The following ZSWIM4 variants were observed in gnomAD, a reference collection of about 807,000 sequenced individuals.
ZSWIM4 encodes the protein zinc finger SWIM domain-containing protein 4.
A neutral mutation model predicts 102.5 loss-of-function variants in ZSWIM4; 62 were observed. The observed-to-expected ratio is 0.60, with a 90% CI of 0.49 to 0.75. ZSWIM4 has a LOEUF of 0.75. ZSWIM4 is among the 30% of genes least tolerant of loss of function. The pLI is 0.00. For missense variants in ZSWIM4, 1,280 were observed against 1,529.6 expected (o/e 0.84, Z 2.72); for synonymous variants, 652 against 674.5 (o/e 0.97, Z 0.52).
intron 2 of ZSWIM4, among the ~76,000 whole-genome samples, chr19:13,802,278 A>AT (rs201793669): frequency 4.7e-4 from 68 of 145,028 alleles, no homozygotes; most frequent in East Asian, 6.6e-4. Flanking sequence ...GCCTGGCCAA[A>AT]TTTTTTTTTT....
Position 13,825,925 on chromosome 19 carries a change from AGT to A in ZSWIM4, c.2379+216_2379+217del, listed in dbSNP as rs532014224. Among the ~76,000 whole-genome samples, 31 of 151,852 alleles carry A rather than the reference AGT, an allele frequency of 2.0e-4. No individual in the cohort carries two copies. Among genetic ancestry groups the A allele is most frequent in the African/African-American group, 7.0e-4 (29 of 41,388 alleles). ...GACACACCTCTGGGGGCGTGGCCTG[AGT>A]GTGGGCCACTTCCTTGGGGGCGTGG... is the stretch of plus-strand genomic sequence containing the variant. On this transcript the variant is annotated intron_variant, in intron 12 of 13. Transcript: ENST00000590508. This position sits in a 1 kb window ranked among gnomAD's most constrained non-coding sequence, Gnocchi z 4.6.
At chr19:13,817,113 A>G (rs1975310799) in intron 7 of ZSWIM4, 103 bp from the exon 8 acceptor site, 1 of 1,459,180 alleles carries the variant, frequency 6.9e-7, no homozygotes, top group Non-Finnish European at 9.2e-7. Context: ...GGTGGTGGGC[A>G]TTATGGGGCT....
intron 5 of ZSWIM4, among the ~76,000 whole-genome samples, chr19:13,811,148 C>T (rs985413246): frequency 1.3e-5 from 2 of 151,914 alleles, no homozygotes; most frequent in East Asian, 1.9e-4. Context: ...CTCCTGACCT[C>T]GTGATCCGCC....
intron 13 of ZSWIM4, 82 bp downstream of exon 13, chr19:13,828,808 AAGAG>A: frequency 7.1e-7 from 1 of 1,411,812 alleles, no homozygotes; most frequent in South Asian, 1.2e-5. Flanking sequence ...GCAGACAAGA[AAGAG>A]AGAAGTGGCG....
chr19:13,823,646 T>C, intron 11 of ZSWIM4, 146 bp downstream of exon 11: 1 of 988,050 alleles, frequency 1.0e-6, no homozygotes. Context: ...CCGGACACTG[T>C]CTCAGGTGCT....
intron 9 of ZSWIM4, 41 bp from the exon 10 acceptor site, chr19:13,819,316 C>T (rs757743535): frequency 9.9e-6 from 16 of 1,609,474 alleles, no homozygotes; most frequent in East Asian, 2.2e-5. Flanking sequence ...AGGGCAGAGG[C>T]GAGCCCACAC....
intron 12 of ZSWIM4, among the ~76,000 whole-genome samples, chr19:13,827,122 C>T (rs1323165881): frequency 6.6e-6 from 1 of 151,804 alleles, no homozygotes; most frequent in African/African-American, 2.4e-5. Flanking sequence ...CCCATCTCTA[C>T]AAAAAACTTT....
At chr19:13,829,446 C>A (rs1466601735) in intron 13 of ZSWIM4, among the ~76,000 whole-genome samples, 1 of 152,062 alleles carries the variant, frequency 6.6e-6, no homozygotes, top group East Asian at 1.9e-4. Flanking sequence ...CAAAAATTAG[C>A]CAGATGTGGT....
At position 13,809,370 on chromosome 19, in the gene ZSWIM4, CT is replaced by C. The variant is rs1975013904; in HGVS notation, c.1012+151del. 8.9e-7 allele frequency: 1 copy of C among 1,125,154 alleles called. No individual in the cohort carries two copies. The highest frequency in any genetic ancestry group is 1.2e-6 in the Non-Finnish European group (1 of 817,696). The allele number at this position is 1,125,154 out of a possible 1,614,324, so 69.7% of individuals were successfully genotyped here. On this transcript the variant is annotated intron_variant, in intron 5 of 13. Transcript: ENST00000590508. This position sits in a 1 kb window ranked among gnomAD's most constrained non-coding sequence, Gnocchi z 4.2. ...CGCCTCTAAAGTGCCAGGCATGGTA[CT>C]GGGCACTGGTGGTCCGGCAGAGAAC...
At chr19:13,805,684 G>A (rs1040680833) in intron 3 of ZSWIM4, among the ~76,000 whole-genome samples, 54 of 151,872 alleles carry the variant, frequency 3.6e-4, no homozygotes, top group African/African-American at 1.0e-3. Flanking sequence ...GAAAGTGTTC[G>A]TGATTGGCTG....
chr19:13,802,868 C>T (rs1478819505), intron 2 of ZSWIM4, among the ~76,000 whole-genome samples: 2 of 152,182 alleles, frequency 1.3e-5, no homozygotes, highest in Admixed American at 6.6e-5. Context: ...CGTGACCCAC[C>T]ATGCCTGGCC....
intron 1 of ZSWIM4, among the ~76,000 whole-genome samples, chr19:13,797,409 G>T (rs749414253): frequency 6.6e-6 from 1 of 152,160 alleles, no homozygotes; most frequent in Non-Finnish European, 1.5e-5. Flanking sequence ...GTCTGTCTTA[G>T]GAGTTGAAAC....
rs1208411455 is a variant in ZSWIM4, at chr19:13,809,118, A to T, written c.910A>T (p.Ile304Phe). 14 of 1,613,712 alleles carry T rather than the reference A, an allele frequency of 8.7e-6. No homozygotes were observed. The highest frequency in any genetic ancestry group is 1.1e-5 in the Non-Finnish European group (13 of 1,179,828). ...MRDSNGARMLILMTEQFLQDT... is the reference protein window; with the variant it reads ...MRDSNGARMLFLMTEQFLQDT... Reference sequence around the variant, plus strand: ...GGACTCCAACGGGGCGCGCATGCTGATTCTCATGACCGAGCAGTTCCTGCA... The same window carrying T: ...GGACTCCAACGGGGCGCGCATGCTGTTTCTCATGACCGAGCAGTTCCTGCA... The change falls in exon 5 of 14, where the codon ATT becomes TTT. Residue 304 changes from isoleucine (I) to phenylalanine (F), a missense_variant. Physicochemically the swap from Ile to Phe is conservative, Grantham distance 21. Transcript: ENST00000590508. The surrounding 1 kb of genome is among the most constrained non-coding windows in gnomAD (Gnocchi z 4.2).
intron 2 of ZSWIM4, among the ~76,000 whole-genome samples, chr19:13,802,869 A>C (rs570678108): frequency 3.7e-4 from 56 of 152,126 alleles, no homozygotes; most frequent in African/African-American, 1.3e-3. Flanking sequence ...GTGACCCACC[A>C]TGCCTGGCCA....
rs1221656710 is a variant in ZSWIM4, at chr19:13,805,139, T to C, written c.703T>C (p.Leu235=). 3 of 1,597,334 alleles carry C rather than the reference T, an allele frequency of 1.9e-6. No individual in the cohort carries two copies. The highest frequency in any genetic ancestry group is 2.5e-6 in the Non-Finnish European group (3 of 1,178,354). Residue 235 remains leucine, a synonymous_variant, in exon 3 of 14, where the codon TTG becomes CTG. Coordinates refer to ENST00000590508, the MANE Select transcript of ZSWIM4 (RefSeq NM_001367834.3). ...CCTCCTGCTGGGCTCCGAGATCAAC[T>C]TGGTGAATGGTAAGGGCACCCCGGG... ...EILLLGSEIN[L]VNGAPDPTAG...
rs1217036856 is a variant in ZSWIM4 at position 13,795,751 on chromosome 19, C to A, written c.103C>A (p.Leu35Met). The A allele has an allele frequency of 3.2e-6, 4 of 1,235,328 alleles. No homozygotes were observed. The highest frequency in any genetic ancestry group is 4.0e-6 in the Non-Finnish European group (4 of 988,978). The allele number at this position is 1,235,328 out of a possible 1,614,324, so 76.5% of individuals were successfully genotyped here. A position where few individuals can be genotyped will look rare whatever the true frequency, so the allele number is the denominator to read the frequency against. The change falls in exon 1 of 14, where the codon CTG becomes ATG. Residue 35 changes from leucine to methionine, a missense_variant. Physicochemically the swap from Leu to Met is conservative, Grantham distance 15. Coordinates refer to ENST00000590508, the MANE Select transcript of ZSWIM4 (RefSeq NM_001367834.3). ...AARGRGRPEA[L>M]LDLSAKRVAE... ...GCGTGGCCGGGGCCGGCCCGAGGCG[C>A]TGCTGGACCTCAGCGCCAAGCGGGT... is the stretch of plus-strand genomic sequence containing the variant.
chr19:13,813,263 T>A, intron 6 of ZSWIM4, 99 bp downstream of exon 6: 1 of 1,044,444 alleles, frequency 9.6e-7, no homozygotes, highest in Non-Finnish European at 1.4e-6. Context: ...AGAGAGGGAG[T>A]GGGGCAGAGC....
At position 13,799,372 on chromosome 19, in the gene ZSWIM4, C is replaced by G. The variant is rs555441659; in HGVS notation, c.154-348C>G. On this transcript the variant is annotated intron_variant, in intron 1 of 13. Transcript: ENST00000590508. ...CACTGCAGCCTCTGCCTTCCAGGTT[C>G]CAGCGATTTTCCTGCCTCAGCCTCC... 5.3e-5 allele frequency among the ~76,000 whole-genome samples: 8 copies of G among 150,618 alleles called. No individual in the cohort carries two copies. The South Asian group carries it at 1.7e-3, about 31-fold the overall frequency.
At position 13,825,438 on chromosome 19, in the gene ZSWIM4, C is replaced by A; in HGVS notation, c.2216-112C>A. On this transcript the variant is annotated intron_variant, in intron 11 of 13. Coordinates refer to ENST00000590508, the MANE Select transcript of ZSWIM4 (RefSeq NM_001367834.3). The surrounding 1 kb of genome is among the most constrained non-coding windows in gnomAD (Gnocchi z 4.6). ...CCATGGCCCAGTACACATCCCTCCA[C>A]ACTCACACATGTGCCCCTGGGTGGA... The A allele has an allele frequency of 7.6e-7, 1 of 1,308,548 alleles. No individual in the cohort carries two copies. The highest frequency in any genetic ancestry group is 1.5e-5 in the African/African-American group (1 of 68,924). 81.1% of individuals were successfully genotyped at this position (1,308,548 alleles called of 1,614,324 possible). A position where few individuals can be genotyped will look rare whatever the true frequency, so the allele number is the denominator to read the frequency against.
Sources: allele counts gnomAD v4.1 joint callset (sites outside exome capture counted in the v4.1 genomes callset), GRCh38; gene constraint gnomAD v4.1.1; non-coding constraint Gnocchi (gnomAD v3.1); transcripts MANE v1.5; gene names NCBI Gene and HGNC (gene_info 2026-07-23, HGNC 2026-07-21).